CELSR1: variants seen among roughly 807,000 people sequenced by gnomAD.
CELSR1 encodes cadherin EGF LAG seven-pass G-type receptor 1.
Under a neutral mutation model 249.1 loss-of-function variants are expected in CELSR1, and 110 were observed. That is an observed-to-expected ratio of 0.44 (90% CI 0.38 to 0.52). The LOEUF (loss-of-function observed/expected upper bound fraction) is 0.52. CELSR1 is among the 20% of genes least tolerant of loss of function. The pLI is 0.00. For synonymous variants in CELSR1, 2,113 were observed against 1,900.0 expected (o/e 1.11, Z -2.92); for missense variants, 4,109 against 4,296.4 (o/e 0.96, Z 1.22).
chr22:46,451,489 G>A (rs1033785921), intron 2 of CELSR1, among the ~76,000 whole-genome samples: 1 of 152,180 alleles, frequency 6.6e-6, no homozygotes, highest in East Asian at 1.9e-4. Flanking sequence ...TCACCTACAC[G>A]CTGAGGGCTG....
Position 46,390,908 on chromosome 22 carries a change from C to T in CELSR1, c.6250+278G>A, listed in dbSNP as rs1053538841. On this transcript the variant is annotated intron_variant, in intron 16 of 34. Coordinates refer to ENST00000674500, the MANE Select transcript of CELSR1 (RefSeq NM_001378328.1). This position sits in a 1 kb window ranked among gnomAD's most constrained non-coding sequence, Gnocchi z 6.3. ...TAACCCGATGCTATGAACAGTGAAG[C>T]CACTTGTCCCGGTGCCCCAGCCTGA... is the stretch of plus-strand genomic sequence containing the variant. 6.6e-6 allele frequency among the ~76,000 whole-genome samples: 1 copy of T among 152,232 alleles called. No homozygotes were observed. Among genetic ancestry groups the T allele is most frequent in the African/African-American group, 2.4e-5 (1 of 41,460 alleles).
In CELSR1 at chr22:46,506,347, GGGTTTGGGGA is replaced by G. The variant is rs1430111084; in HGVS notation, c.3544+27270_3544+27279del. Among the ~76,000 whole-genome samples, 31 of 152,254 alleles carry G rather than the reference GGGTTTGGGGA, an allele frequency of 2.0e-4. No homozygotes were observed. The highest frequency in any genetic ancestry group is 5.9e-4 in the Admixed American group (9 of 15,288). On this transcript the variant is annotated intron_variant, in intron 1 of 34. Coordinates refer to ENST00000674500, the MANE Select transcript of CELSR1 (RefSeq NM_001378328.1). This position sits in a 1 kb window ranked among gnomAD's most constrained non-coding sequence, Gnocchi z 4.1. Reference sequence around the variant, plus strand: ...CAGCAGAGCCCCGCAGGCCCTGTTGGGGTTTGGGGAGGCCCCACCTCCCTCCTCAGACTTA... The same window carrying G: ...CAGCAGAGCCCCGCAGGCCCTGTTGGGGCCCCACCTCCCTCCTCAGACTTA...
rs151196514 is a variant in CELSR1, at chr22:46,367,757, T to C, written c.8051A>G (p.Tyr2684Cys). The C allele has an allele frequency of 2.3e-4, 372 of 1,607,132 alleles. 2 individuals carry two copies. The highest frequency in any genetic ancestry group is 2.2e-3 in the African/African-American group (168 of 74,978). The change falls in exon 28 of 35, where the codon TAC becomes TGC. Residue 2684 changes from tyrosine (Y) to cysteine (C), a missense_variant. This residue lies in a region of CELSR1 where 1,805 missense variants were observed against 1,831.6 expected (regional missense o/e 0.99). Transcript: ENST00000674500. ...TAAGCCGCTGAAGATGGCGAAGAGGTAGTGAAAGCTCAGTGCATCGCGGTT... is the reference window on the plus strand; with the variant it reads ...TAAGCCGCTGAAGATGGCGAAGAGGCAGTGAAAGCTCAGTGCATCGCGGTT... ...AVNRDALSFH[Y>C]LFAIFSGLQG...
intron 1 of CELSR1, among the ~76,000 whole-genome samples, chr22:46,528,551 GA>G (rs2080760859): frequency 6.6e-6 from 1 of 152,188 alleles, no homozygotes; most frequent in African/African-American, 2.4e-5. Context: ...CACTCAAAGT[GA>G]ATTAAAAATG....
intron 5 of CELSR1, among the ~76,000 whole-genome samples, chr22:46,424,528 G>C (rs1292389588): frequency 1.3e-5 from 2 of 152,116 alleles, no homozygotes; most frequent in African/African-American, 4.8e-5. Context: ...ATCAAACCCA[G>C]GTACAAACAC....
intron 1 of CELSR1, among the ~76,000 whole-genome samples, chr22:46,495,339 T>C (rs73452284): frequency 0.012 from 1,759 of 152,266 alleles, 35 homozygotes; most frequent in African/African-American, 0.04. Flanking sequence ...TATCTAAATA[T>C]AGAAAAGGCA....
rs559567279 is a variant in CELSR1, at chr22:46,500,116, T to A, written c.3544+33511A>T. Among the ~76,000 whole-genome samples the A allele has an allele frequency of 6.8e-6, 1 of 146,476 alleles. No individual in the cohort carries two copies. The highest frequency in any genetic ancestry group is 2.0e-4 in the East Asian group (1 of 5,058). ...CCAGCCCCTGATCCTCCCAGCATGATCCCACCCCAGCCCCTGGTCCTCCCA... is the reference window on the plus strand; with the variant it reads ...CCAGCCCCTGATCCTCCCAGCATGAACCCACCCCAGCCCCTGGTCCTCCCA... On this transcript the variant is annotated intron_variant, in intron 1 of 34. Coordinates refer to ENST00000674500, the MANE Select transcript of CELSR1 (RefSeq NM_001378328.1). The surrounding 1 kb of genome is among the most constrained non-coding windows in gnomAD (Gnocchi z 4.9).
At chr22:46,522,311 AT>A (rs779815261) in intron 1 of CELSR1, among the ~76,000 whole-genome samples, 1 of 151,824 alleles carries the variant, frequency 6.6e-6, no homozygotes, top group East Asian at 1.9e-4. Flanking sequence ...TATTTTGTAT[AT>A]TTTTTTGGTA....
At chr22:46,476,243 A>G (rs1434428314) in intron 1 of CELSR1, among the ~76,000 whole-genome samples, 2 of 152,164 alleles carry the variant, frequency 1.3e-5, no homozygotes, top group African/African-American at 2.4e-5. Context: ...ACGTCCACCA[A>G]TGTATGAATG....
In CELSR1 at chr22:46,408,909, C is replaced by T. The variant is rs892584168; in HGVS notation, c.5226+87G>A. ...GGAGGAAGGGCGAGTAGCAGGTGCC[C>T]GAGTGTGCACCAGGAAGCCCAGCGC... is the stretch of plus-strand genomic sequence containing the variant. On this transcript the variant is annotated intron_variant, in intron 9 of 34. Coordinates refer to ENST00000674500, the MANE Select transcript of CELSR1 (RefSeq NM_001378328.1). The surrounding 1 kb of genome is among the most constrained non-coding windows in gnomAD (Gnocchi z 4.6). 5 of 1,143,016 alleles carry T rather than the reference C, an allele frequency of 4.4e-6. No individual in the cohort carries two copies. Among genetic ancestry groups the T allele is most frequent in the Admixed American group, 5.8e-5 (2 of 34,360 alleles). 70.8% of individuals were successfully genotyped at this position (1,143,016 alleles called of 1,614,324 possible).
intron 20 of CELSR1, among the ~76,000 whole-genome samples, chr22:46,382,316 C>T (rs888831503): frequency 2.6e-5 from 4 of 152,088 alleles, no homozygotes; most frequent in Admixed American, 6.6e-5. Context: ...CTTGCTCTGT[C>T]GCCCAGGCTG....
At chr22:46,501,011 T>A (rs1278031395) in intron 1 of CELSR1, among the ~76,000 whole-genome samples, 1 of 138,244 alleles carries the variant, frequency 7.2e-6, no homozygotes, top group Non-Finnish European at 1.5e-5. Context: ...TATTTATTTA[T>A]TTTATTTTAT....
Position 46,518,602 on chromosome 22 carries a change from C to T in CELSR1, c.3544+15025G>A, listed in dbSNP as rs1314570427. Reference sequence around the variant, plus strand: ...ATGTGACCTAACTTGGAAATAAAGGCTGCAGATGAAGATATAAATTAAGAT... The same window carrying T: ...ATGTGACCTAACTTGGAAATAAAGGTTGCAGATGAAGATATAAATTAAGAT... On this transcript the variant is annotated intron_variant, in intron 1 of 34. Coordinates refer to ENST00000674500, the MANE Select transcript of CELSR1 (RefSeq NM_001378328.1). This position sits in a 1 kb window ranked among gnomAD's most constrained non-coding sequence, Gnocchi z 5.2. Among the ~76,000 whole-genome samples, 1 of 152,238 alleles carries T rather than the reference C, an allele frequency of 6.6e-6. No homozygotes were observed. Among genetic ancestry groups the T allele is most frequent in the East Asian group, 1.9e-4 (1 of 5,196 alleles).
At position 46,391,603 on chromosome 22, in the gene CELSR1, A is replaced by C; in HGVS notation, c.6148+30T>G. 1 of 1,556,820 alleles carries C rather than the reference A, an allele frequency of 6.4e-7. No homozygotes were observed. The highest frequency in any genetic ancestry group is 8.6e-7 in the Non-Finnish European group (1 of 1,158,048). ...TGCAGCAGCCTGTCCCCGCGCTGTA[A>C]CCTGCAGGGTGTCGAGGGGCAACGC... is the stretch of plus-strand genomic sequence containing the variant. On this transcript the variant is annotated intron_variant, in intron 15 of 34. Coordinates refer to ENST00000674500, the MANE Select transcript of CELSR1 (RefSeq NM_001378328.1). This position sits in a 1 kb window ranked among gnomAD's most constrained non-coding sequence, Gnocchi z 4.3.
chr22:46,376,166 T>G (rs532871156), intron 24 of CELSR1, among the ~76,000 whole-genome samples: 4 of 152,274 alleles, frequency 2.6e-5, no homozygotes, highest in Admixed American at 6.5e-5. Context: ...TTAATGAGCA[T>G]AACATTTATC....
chr22:46,414,360 G>A (rs924945908), intron 5 of CELSR1, among the ~76,000 whole-genome samples: 4 of 152,226 alleles, frequency 2.6e-5, no homozygotes, highest in Admixed American at 2.0e-4. Flanking sequence ...ACCAGCAGGA[G>A]GGCTGCACAG....
rs368973874 is a variant in CELSR1, at chr22:46,534,203, A to G, written c.2968T>C (p.Leu990=). Residue 990 remains leucine (L), a synonymous_variant, in exon 1 of 35, where the codon TTG becomes CTG. Coordinates refer to ENST00000674500, the MANE Select transcript of CELSR1 (RefSeq NM_001378328.1). This position sits in a 1 kb window ranked among gnomAD's most constrained non-coding sequence, Gnocchi z 9.7. ...SASVEIQVTI[L]DINDNAPMFE... ...ATGGGGGCATTGTCATTAATGTCCA[A>G]GATGGTCACCTGGATTTCTACCGAG... 1.1e-5 allele frequency: 18 copies of G among 1,613,868 alleles called. No individual in the cohort carries two copies. The African/African-American group carries it at 2.3e-4, about 20-fold the overall frequency.
At position 46,454,689 on chromosome 22, in the gene CELSR1, T is replaced by A. The variant is rs563412693; in HGVS notation, c.4183+9018A>T. On this transcript the variant is annotated intron_variant, in intron 2 of 34. Coordinates refer to ENST00000674500, the MANE Select transcript of CELSR1 (RefSeq NM_001378328.1). This position sits in a 1 kb window ranked among gnomAD's most constrained non-coding sequence, Gnocchi z 5.1. ...TGTCCGGGTGGGACGCGGGAAACCC[T>A]CTGCTCCTGCGCTTAGCGTTCGCAA... Among the ~76,000 whole-genome samples, 14 of 152,364 alleles carry A rather than the reference T, an allele frequency of 9.2e-5. No individual in the cohort carries two copies. The South Asian group carries it at 2.5e-3, about 27-fold the overall frequency.
In CELSR1 at chr22:46,411,110, G is replaced by A. The variant is rs2079329336; in HGVS notation, c.4769+492C>T. 1.3e-5 allele frequency among the ~76,000 whole-genome samples: 2 copies of A among 152,142 alleles called. No homozygotes were observed. The highest frequency in any genetic ancestry group is 2.4e-5 in the African/African-American group (1 of 41,438). ...GCTACTCGGGAGGCTGTGGCAGGAG[G>A]ATGGCTTGAGTCCAGGAGGTCAAGG... On this transcript the variant is annotated intron_variant, in intron 6 of 34. Transcript: ENST00000674500. This position sits in a 1 kb window ranked among gnomAD's most constrained non-coding sequence, Gnocchi z 4.2.
Sources: allele counts gnomAD v4.1 joint callset (sites outside exome capture counted in the v4.1 genomes callset), GRCh38; gene constraint gnomAD v4.1.1; regional missense constraint gnomAD v4.1.1; non-coding constraint Gnocchi (gnomAD v3.1); transcripts MANE v1.5; gene names NCBI Gene and HGNC (gene_info 2026-07-23, HGNC 2026-07-21).